The following OVCH1 variants were observed in gnomAD, a reference collection of about 807,000 sequenced individuals.
The protein encoded by OVCH1 is ovochymase-1.
A neutral mutation model predicts 138.4 loss-of-function variants in OVCH1; 139 were observed. That is an observed-to-expected ratio of 1.00 (90% confidence interval 0.87 to 1.16). OVCH1 has a LOEUF of 1.16. OVCH1 is among the 50% of genes most tolerant of loss of function. The pLI is 0.00. For missense variants in OVCH1, 1,367 were observed against 1,357.9 expected (o/e 1.01, Z -0.11); for synonymous variants, 453 against 467.8 (o/e 0.97, Z 0.41).
exon 7 of OVCH1, chr12:29,487,726 A>T (rs1410520134): frequency 1.9e-6 from 3 of 1,602,724 alleles, no homozygotes; most frequent in Non-Finnish European, 2.6e-6. Context: ...AAATCCATCA[A>T]CTCAGACACT....
intron 27 of OVCH1, chr12:29,430,920 A>G (rs781688265): frequency 3.9e-6 from 2 of 518,310 alleles, no homozygotes; most frequent in African/African-American, 3.9e-5. Flanking sequence ...CTGCCCTCCC[A>G]GAGTACCCCT....
intron 6 of OVCH1, 65 bp downstream of exon 6, chr12:29,489,555 G>A: frequency 6.8e-7 from 1 of 1,473,204 alleles, no homozygotes; most frequent in Non-Finnish European, 9.1e-7. Flanking sequence ...CTTCTTTTGG[G>A]GAAAGGCAGA....
chr12:29,423,625 T>C (rs570803878), downstream of OVCH1, among the ~76,000 whole-genome samples: 2 of 152,332 alleles, frequency 1.3e-5, no homozygotes, highest in Non-Finnish European at 2.9e-5. Flanking sequence ...TGGGACAATC[T>C]GCTCTAAAAC....
At position 29,454,632 on chromosome 12, in the gene OVCH1, T is replaced by A. The variant is rs150972475; in HGVS notation, c.2530+209A>T. ...CTGGTTCACAACCACAAGATTTTTT[T>A]AAAAATCTGCAACAGGTCTAGCTTT... On this transcript the variant is annotated intron_variant, in intron 21 of 27. Coordinates refer to ENST00000318184, the Ensembl canonical transcript of OVCH1. 6.9e-3 allele frequency among the ~76,000 whole-genome samples: 1,050 copies of A among 152,272 alleles called. 8 individuals are homozygous for A. Among genetic ancestry groups the A allele is most frequent in the African/African-American group, 0.024 (998 of 41,550 alleles).
At chr12:29,431,693 T>G (rs903932199) in intron 27 of OVCH1, among the ~76,000 whole-genome samples, 17 of 152,218 alleles carry the variant, frequency 1.1e-4, no homozygotes, top group Non-Finnish European at 2.2e-4. Context: ...ATCTGCAATC[T>G]TAAGAACACA....
exon 12 of OVCH1, chr12:29,477,149 T>A (rs560499488): frequency 1.9e-6 from 3 of 1,613,410 alleles, no homozygotes; most frequent in Non-Finnish European, 2.5e-6. Context: ...TGACACCTTG[T>A]GTTACTGGGA....
Position 29,464,718 on chromosome 12 carries a change from G to A in OVCH1, c.1930-16C>T. Reference sequence around the variant, plus strand: ...CCCTTCTCACCTGTATCGGTGGCAAGTAAGCAAATTACAACGTAAGAAAGT... The same window carrying A: ...CCCTTCTCACCTGTATCGGTGGCAAATAAGCAAATTACAACGTAAGAAAGT... On this transcript the variant is annotated splice_polypyrimidine_tract_variant and intron_variant, in intron 17 of 27. Transcript: ENST00000318184. 1.3e-6 allele frequency: 2 copies of A among 1,596,642 alleles called. No homozygotes were observed. The highest frequency in any genetic ancestry group is 3.5e-5 in the Admixed American group (2 of 57,256).
intron 22 of OVCH1, among the ~76,000 whole-genome samples, chr12:29,449,676 TGCTTTTGAAAA>T (rs1941724897): frequency 6.6e-6 from 1 of 152,022 alleles, no homozygotes; most frequent in Non-Finnish European, 1.5e-5. Flanking sequence ...TGTATAGAAA[TGCTTTTGAAAA>T]ATAAGCCTGT....
chr12:29,487,806 GCTA>G (rs766297969), exon 7 of OVCH1: 1 of 1,606,270 alleles, frequency 6.2e-7, no homozygotes, highest in South Asian at 1.1e-5. Flanking sequence ...AGCACAACCA[GCTA>G]CCCAGGAAGT....
downstream of OVCH1, among the ~76,000 whole-genome samples, chr12:29,411,834 A>T (rs1467702809): frequency 1.3e-5 from 2 of 151,146 alleles, no homozygotes; most frequent in Admixed American, 1.3e-4. Context: ...CTCTCTTCAA[A>T]GCTGCCAGAC....
chr12:29,470,229 T>A (rs879618685), intron 16 of OVCH1, among the ~76,000 whole-genome samples: 51 of 152,288 alleles, frequency 3.3e-4, no homozygotes, highest in Non-Finnish European at 5.1e-4. Context: ...TTTGATTTTT[T>A]AAAAATTTTA....
At chr12:29,430,515 C>CTCCCA (rs1941249915) in intron 27 of OVCH1, among the ~76,000 whole-genome samples, 3 of 152,110 alleles carry the variant, frequency 2.0e-5, no homozygotes. Flanking sequence ...GGTGAGGTTC[C>CTCCCA]CAGGTCAATG....
exon 17 of OVCH1, chr12:29,465,162 C>T: frequency 6.2e-7 from 1 of 1,603,222 alleles, no homozygotes; most frequent in Non-Finnish European, 8.5e-7. Flanking sequence ...CTGTTGATTC[C>T]TTCAGGTTTC....
chr12:29,487,665 T>A, intron 7 of OVCH1, 28 bp downstream of exon 7: 1 of 1,550,160 alleles, frequency 6.5e-7, no homozygotes, highest in Non-Finnish European at 8.8e-7. Context: ...TGAGTTAGGA[T>A]GAGATGAGGA....
chr12:29,443,307 CAT>C, intron 25 of OVCH1, 52 bp downstream of exon 25: 1 of 1,545,282 alleles, frequency 6.5e-7, no homozygotes, highest in Non-Finnish European at 8.8e-7. Flanking sequence ...ACAATCTAAA[CAT>C]GTTTCATCAG....
At chr12:29,438,939 T>TGAGAGA (rs1941414963) in intron 26 of OVCH1, among the ~76,000 whole-genome samples, 1 of 152,150 alleles carries the variant, frequency 6.6e-6, no homozygotes, top group African/African-American at 2.4e-5. Flanking sequence ...CTGAGGTGGT[T>TGAGAGA]GAGAGTATAC....
At chr12:29,404,038 C>T in the OVCH1 span, among the ~76,000 whole-genome samples, 469 of 152,324 alleles carry the variant, frequency 3.1e-3, 2 homozygotes, top group Non-Finnish European at 5.3e-3. Context: ...CCAACACCAA[C>T]CTCTGCAATG....
chr12:29,415,628 T>C (rs1941022255), intron 3 of OVCH1, among the ~76,000 whole-genome samples: 1 of 151,970 alleles, frequency 6.6e-6, no homozygotes, highest in African/African-American at 2.4e-5. Flanking sequence ...ATGCTGAAAA[T>C]TGCAAAATTC....
At position 29,457,930 on chromosome 12, in the gene OVCH1, T is replaced by C. The variant is rs555148925; in HGVS notation, c.2281-2525A>G. ...GCATAAAGGATGAGAAGGAGCCAGC[T>C]TTCCAAAAACCTGGAGGAACAACAT... is the stretch of plus-strand genomic sequence containing the variant. On this transcript the variant is annotated intron_variant, in intron 19 of 27. Transcript: ENST00000318184. 3.6e-3 allele frequency among the ~76,000 whole-genome samples: 541 copies of C among 152,272 alleles called. 2 individuals are homozygous for C. Among genetic ancestry groups the C allele is most frequent in the African/African-American group, 0.012 (514 of 41,570 alleles).
Sources: gnomAD v4.1 joint callset for allele counts (sites outside exome capture counted in the v4.1 genomes callset) on GRCh38, gnomAD v4.1.1 for gene constraint, MANE v1.5 for transcripts, NCBI Gene and HGNC (gene_info 2026-07-23, HGNC 2026-07-21) for gene names.